YJU2B: variants seen among roughly 807,000 people sequenced by gnomAD.
YJU2B encodes the protein probable splicing factor YJU2B.
Under a neutral mutation model 38.0 loss-of-function variants are expected in YJU2B, and 18 were observed. The ratio of observed to expected loss-of-function variants is 0.47; its 90% CI spans 0.33 to 0.70. YJU2B has a LOEUF of 0.70. YJU2B is among the 30% of genes least tolerant of loss of function. YJU2B has a pLI of 0.02. For synonymous variants in YJU2B, 246 were observed against 225.4 expected, an observed-to-expected ratio of 1.09 and a Z score of -0.82; for missense variants, 538 against 556.3, an observed-to-expected ratio of 0.97 and a Z score of 0.33.
chr19:13,745,546 C>G (rs1476177167), upstream of YJU2B, among the ~76,000 whole-genome samples: 4 of 151,658 alleles, frequency 2.6e-5, no homozygotes, highest in African/African-American at 9.7e-5. Flanking sequence ...AATCCCAGGG[C>G]TGAGGCAGGA....
intron 5 of YJU2B, 50 bp downstream of exon 5, chr19:13,757,523 A>C: frequency 1.3e-6 from 2 of 1,494,262 alleles, no homozygotes; most frequent in Non-Finnish European, 1.9e-6. Flanking sequence ...CAGACCCCCT[A>C]ACTGCTGGAT....
Position 13,757,410 on chromosome 19 carries a change from CT to C in YJU2B, c.141-5del. On this transcript the variant is annotated splice_region_variant and splice_polypyrimidine_tract_variant and intron_variant, in intron 4 of 9. Transcript: ENST00000221554. ...CAAGTGCAAGTAAGATGCTGTCTGT[CT>C]TTGCAGATTCGAAATGCCATATAAC... 6.2e-7 allele frequency: 1 copy of C among 1,613,456 alleles called. No individual in the cohort carries two copies. Among genetic ancestry groups the C allele is most frequent in the South Asian group, 1.1e-5 (1 of 91,060 alleles).
At chr19:13,741,480 T>C (rs1973093834) in intron 2 of YJU2B, among the ~76,000 whole-genome samples, 1 of 151,814 alleles carries the variant, frequency 6.6e-6, no homozygotes, top group Non-Finnish European at 1.5e-5. Flanking sequence ...AGATGGGGTC[T>C]TTCTTTGATG....
chr19:13,738,535 G>T (rs1973011940), intron 2 of YJU2B, among the ~76,000 whole-genome samples: 1 of 152,148 alleles, frequency 6.6e-6, no homozygotes, highest in Admixed American at 6.6e-5. Context: ...AAGGCGGGCG[G>T]ATCACTTGAG....
At chr19:13,753,256 G>C (rs1297014558) in intron 2 of YJU2B, among the ~76,000 whole-genome samples, 4 of 152,136 alleles carry the variant, frequency 2.6e-5, no homozygotes, top group African/African-American at 9.7e-5. Context: ...CTGTGTATTA[G>C]TCCAGTCTCA....
Position 13,757,467 on chromosome 19 carries a change from G to A in YJU2B, c.190G>A (p.Gly64Ser), listed in dbSNP as rs202065091. ...IWCDGCKNHI[G>S]MGVRYNAEKK... ...GTGCGATGGCTGCAAGAACCACATC[G>A]GCATGGGTGAGCCTCTGCCCACCCT... The change falls in exon 5 of 10, where the codon GGC becomes AGC. Residue 64 changes from glycine to serine, a missense_variant. Gly to Ser is a moderately conservative substitution (Grantham distance 56, BLOSUM62 0). This residue lies in a region of YJU2B where 50 missense variants were observed against 86.9 expected (regional missense o/e 0.58). Coordinates refer to ENST00000221554, the MANE Select transcript of YJU2B (RefSeq NM_030818.4). 2.3e-5 allele frequency: 37 copies of A among 1,613,658 alleles called. No homozygotes were observed. The East Asian group carries it at 3.1e-4, about 14-fold the overall frequency.
chr19:13,752,565 G>A (rs428492), intron 2 of YJU2B, among the ~76,000 whole-genome samples: 47,994 of 151,862 alleles, frequency 0.32, 7,877 homozygotes, highest in East Asian at 0.48. Flanking sequence ...CCAACGTGGT[G>A]AAACCCCGTC....
In YJU2B at chr19:13,757,448, T is replaced by C. The variant is rs540909958; in HGVS notation, c.171T>C (p.Asp57=). 7 of 1,613,860 alleles carry C rather than the reference T, an allele frequency of 4.3e-6. No individual in the cohort carries two copies. The South Asian group carries it at 6.6e-5, about 15-fold the overall frequency. Residue 57 remains aspartate (D), a synonymous_variant, in exon 5 of 10, where the codon GAT becomes GAC. Coordinates refer to ENST00000221554, the MANE Select transcript of YJU2B (RefSeq NM_030818.4). ...AAATGCCATATAACATCTGGTGCGA[T>C]GGCTGCAAGAACCACATCGGCATGG... ...RFEMPYNIWC[D]GCKNHIGMGV... is the part of the protein sequence containing the mutation.
upstream of YJU2B, among the ~76,000 whole-genome samples, chr19:13,745,715 ATC>A (rs1406298667): frequency 4.8e-4 from 14 of 29,432 alleles, no homozygotes; most frequent in African/African-American, 1.5e-3. Flanking sequence ...ATATCTATAG[ATC>A]TATAGATATC....
At chr19:13,739,550 C>A (rs1599492416) in intron 2 of YJU2B, among the ~76,000 whole-genome samples, 1 of 152,086 alleles carries the variant, frequency 6.6e-6, no homozygotes. Flanking sequence ...GTGGTTGGAA[C>A]CCACCTCCCT....
intron 2 of YJU2B, among the ~76,000 whole-genome samples, chr19:13,737,026 CAAAAAAA>C (rs61619895): frequency 7.6e-5 from 9 of 118,002 alleles, no homozygotes; most frequent in East Asian, 4.9e-4. Context: ...GACTCATTCT[CAAAAAAA>C]AAAAAAAAAG....
In YJU2B at chr19:13,754,354, C is replaced by T. The variant is rs34136555; in HGVS notation, c.57+12C>T. ...TCAACCCTGAGAAGGTAAGCAGGCT[C>T]TCCGCTCCAGGTCCACAGTAGCAAA... On this transcript the variant is annotated intron_variant, in intron 3 of 9. Transcript: ENST00000221554. The T allele has an allele frequency of 0.013, 20,991 of 1,610,050 alleles. 2,351 individuals are homozygous for T. In the African/African-American group the frequency reaches 0.24, roughly 19 times the overall value.
chr19:13,733,224 C>T (rs374293528), intron 2 of YJU2B, among the ~76,000 whole-genome samples: 1 of 152,132 alleles, frequency 6.6e-6, no homozygotes, highest in Admixed American at 6.6e-5. Context: ...CCACCACGCC[C>T]GGCCTTGCTG....
Position 13,763,035 on chromosome 19 carries a change from C to T in YJU2B, c.1158C>T (p.Leu386=), listed in dbSNP as rs1170313262. 6.3e-7 allele frequency: 1 copy of T among 1,576,632 alleles called. No individual in the cohort carries two copies. Among genetic ancestry groups the T allele is most frequent in the East Asian group, 2.2e-5 (1 of 44,556 alleles). The part of the protein sequence containing the change: ...TRHPCSLGSS[L]VADYSDSESE ...ACCCCTGCAGTCTCGGCTCCTCCCT[C>T]GTGGCGGACTACTCCGACTCGGAGA... The change falls in exon 10 of 10, where the codon CTC becomes CTT. Residue 386 remains leucine (L), a synonymous_variant. Transcript: ENST00000221554.
At chr19:13,740,743 G>A (rs1194862090) in intron 2 of YJU2B, among the ~76,000 whole-genome samples, 1 of 151,976 alleles carries the variant, frequency 6.6e-6, no homozygotes, top group African/African-American at 2.4e-5. Context: ...CACCATATTG[G>A]TCAGGCTGGT....
At chr19:13,759,984 G>C (rs1158243795) in intron 8 of YJU2B, among the ~76,000 whole-genome samples, 1 of 152,076 alleles carries the variant, frequency 6.6e-6, no homozygotes, top group African/African-American at 2.4e-5. Context: ...TAGAGACGGG[G>C]TTTCTCCATG....
At chr19:13,760,374 T>G (rs1269387135) in intron 8 of YJU2B, among the ~76,000 whole-genome samples, 1 of 152,138 alleles carries the variant, frequency 6.6e-6, no homozygotes, top group African/African-American at 2.4e-5. Flanking sequence ...GACAAACAAG[T>G]TCCCTTGAGC....
chr19:13,746,535 C>T (rs1973255227), upstream of YJU2B, among the ~76,000 whole-genome samples: 3 of 152,152 alleles, frequency 2.0e-5, no homozygotes, highest in Admixed American at 6.6e-5. Flanking sequence ...ATTAAATTGA[C>T]ATGTAAACAG....
chr19:13,745,692 T>TAGATAG (rs57681294), upstream of YJU2B, among the ~76,000 whole-genome samples: 104 of 93,286 alleles, frequency 1.1e-3, no homozygotes, highest in African/African-American at 3.2e-3. Flanking sequence ...GATAGATAGA[T>TAGATAG]ATAGATATAT....
Sources: allele counts gnomAD v4.1 joint callset (sites outside exome capture counted in the v4.1 genomes callset), GRCh38; gene constraint gnomAD v4.1.1; regional missense constraint gnomAD v4.1.1; transcripts MANE v1.5; gene names NCBI Gene and HGNC (gene_info 2026-07-23, HGNC 2026-07-21).